ELMOD1: variants seen among roughly 807,000 people sequenced by gnomAD.
ELMOD1 encodes ELMO domain containing 1.
ELMOD1 carries 21 observed loss-of-function variants against 46.7 expected under a neutral mutation model. The observed-to-expected ratio is 0.45, with a 90% CI of 0.32 to 0.65. The LOEUF (loss-of-function observed/expected upper bound fraction) is 0.65. Ranked by LOEUF, ELMOD1 falls within the 30% of genes least tolerant of loss-of-function variation. The pLI is 0.04. For synonymous variants in ELMOD1, 122 were observed against 138.2 expected (o/e 0.88, Z 0.82); for missense variants, 348 against 407.8 (o/e 0.85, Z 1.26).
At chr11:107,654,705 C>A (rs1233874495) in intron 10 of ELMOD1, among the ~76,000 whole-genome samples, 1 of 147,224 alleles carries the variant, frequency 6.8e-6, no homozygotes, top group African/African-American at 2.5e-5. Context: ...GGAGGCGGAG[C>A]TTGCAGTGAG....
In ELMOD1 at chr11:107,665,005, C is replaced by T. The variant is rs533871773; in HGVS notation, c.833-20C>T. The T allele has an allele frequency of 6.3e-7, 1 of 1,592,172 alleles. No homozygotes were observed. The highest frequency in any genetic ancestry group is 1.8e-5 in the Admixed American group (1 of 56,482). ...ATTTTTTTTTCTCCTGCATTCTTATCATTGTATTGTCTCCAACAGGCTATT... is the reference window on the plus strand; with the variant it reads ...ATTTTTTTTTCTCCTGCATTCTTATTATTGTATTGTCTCCAACAGGCTATT... On this transcript the variant is annotated intron_variant, in intron 11 of 11. Transcript: ENST00000265840.
At chr11:107,662,186 C>T (rs981440596) in intron 11 of ELMOD1, among the ~76,000 whole-genome samples, 1 of 152,196 alleles carries the variant, frequency 6.6e-6, no homozygotes, top group Non-Finnish European at 1.5e-5. Context: ...CTCTCTTGCT[C>T]AGGCTGGAGT....
At chr11:107,662,967 G>C (rs1408971938) in intron 11 of ELMOD1, among the ~76,000 whole-genome samples, 2 of 151,508 alleles carry the variant, frequency 1.3e-5, no homozygotes, top group African/African-American at 4.8e-5. Context: ...GGCCTCAAGT[G>C]ATCCTCCTGC....
At chr11:107,609,232 A>G (rs960485271) in intron 1 of ELMOD1, among the ~76,000 whole-genome samples, 4 of 152,228 alleles carry the variant, frequency 2.6e-5, no homozygotes, top group African/African-American at 9.6e-5. Context: ...TTAAGCTAAG[A>G]CTTAACTTTT....
At chr11:107,602,503 T>A (rs955747283) in intron 1 of ELMOD1, among the ~76,000 whole-genome samples, 5 of 152,190 alleles carry the variant, frequency 3.3e-5, no homozygotes, top group Non-Finnish European at 7.3e-5. Context: ...TTTGTTAAAT[T>A]CTTCTGGCAG....
At chr11:107,640,079 C>T (rs943943999) in intron 6 of ELMOD1, among the ~76,000 whole-genome samples, 1 of 152,164 alleles carries the variant, frequency 6.6e-6, no homozygotes, top group Non-Finnish European at 1.5e-5. Flanking sequence ...TCTTGGCTCA[C>T]CACAACCTCC....
chr11:107,591,640 A>G, intron 1 of ELMOD1: 1 of 361,212 alleles, frequency 2.8e-6, no homozygotes, highest in Non-Finnish European at 5.7e-6. Flanking sequence ...TGTCCTCCCA[A>G]TTAACACCCG....
chr11:107,660,599 T>C (rs1866721824), intron 11 of ELMOD1, among the ~76,000 whole-genome samples: 1 of 152,212 alleles, frequency 6.6e-6, no homozygotes, highest in South Asian at 2.1e-4. Flanking sequence ...ATTGCCGTGG[T>C]GAAAAGTCAG....
intron 2 of ELMOD1, among the ~76,000 whole-genome samples, chr11:107,621,655 T>A (rs1865949863): frequency 1.6e-5 from 1 of 62,116 alleles, no homozygotes; most frequent in African/African-American, 3.5e-5. Context: ...CCTCTTTGAC[T>A]TCCAAGCTGT....
At chr11:107,610,367 A>G (rs1865754202) in intron 1 of ELMOD1, among the ~76,000 whole-genome samples, 1 of 152,184 alleles carries the variant, frequency 6.6e-6, no homozygotes, top group African/African-American at 2.4e-5. Flanking sequence ...TGAATTACAC[A>G]AATAAAACGT....
intron 2 of ELMOD1, among the ~76,000 whole-genome samples, chr11:107,626,209 C>G (rs1215592056): frequency 6.6e-6 from 1 of 151,882 alleles, no homozygotes; most frequent in Non-Finnish European, 1.5e-5. Context: ...TTTCCTGATT[C>G]AGCCTAGGAG....
At chr11:107,655,818 C>T in intron 10 of ELMOD1, 115 bp from the exon 11 acceptor site, 2 of 1,124,316 alleles carry the variant, frequency 1.8e-6, no homozygotes, top group Non-Finnish European at 1.2e-6. Context: ...CCTGACATTA[C>T]CATGGCATTT....
chr11:107,592,088 A>G (rs1374423670), intron 1 of ELMOD1: 2 of 403,512 alleles, frequency 5.0e-6, no homozygotes, highest in Non-Finnish European at 1.0e-5. Context: ...TGGTGGGGTG[A>G]GCTGTTGTGG....
chr11:107,603,373 T>C (rs1372057211), intron 1 of ELMOD1, among the ~76,000 whole-genome samples: 4 of 152,024 alleles, frequency 2.6e-5, no homozygotes, highest in Non-Finnish European at 5.9e-5. Flanking sequence ...ACCACATCTC[T>C]ACTAAAAATA....
chr11:107,607,170 G>A (rs1382409610), intron 1 of ELMOD1, among the ~76,000 whole-genome samples: 2 of 152,184 alleles, frequency 1.3e-5, no homozygotes, highest in Non-Finnish European at 2.9e-5. Flanking sequence ...CACTTGATGG[G>A]CTGATTGAGG....
chr11:107,595,436 AT>A (rs1213413241), intron 1 of ELMOD1, among the ~76,000 whole-genome samples: 2 of 152,192 alleles, frequency 1.3e-5, no homozygotes, highest in Non-Finnish European at 2.9e-5. Flanking sequence ...TGATAAAAAA[AT>A]ATGATCAAGA....
intron 7 of ELMOD1, 38 bp downstream of exon 7, chr11:107,647,639 G>A (rs1591132071): frequency 6.3e-7 from 1 of 1,597,412 alleles, no homozygotes; most frequent in Non-Finnish European, 8.5e-7. Context: ...TTCGAGTGAT[G>A]TTTTGGTCTC....
chr11:107,665,073 T>C lies in ELMOD1; in HGVS notation c.881T>C (p.Met294Thr), dbSNP rs1313067129. ...AAGTTTTGGATCGAAGAGGACCCCA[T>C]GGACATAATGGAATTTAATCGTGTG... Reference protein sequence around the residue: ...FHKFWIEEDPMDIMEFNRVRE... With the variant: ...FHKFWIEEDPTDIMEFNRVRE... The change falls in exon 12 of 12, where the codon ATG (methionine) becomes ACG (threonine). Residue 294 changes from methionine (M) to threonine (T), a missense_variant. Met to Thr is a moderately conservative substitution (Grantham distance 81). Transcript: ENST00000265840. The C allele has an allele frequency of 6.2e-7, 1 of 1,613,918 alleles. No individual in the cohort carries two copies. The highest frequency in any genetic ancestry group is 1.1e-5 in the South Asian group (1 of 91,080).
intron 2 of ELMOD1, 135 bp from the exon 3 acceptor site, chr11:107,630,282 A>G: frequency 1.4e-6 from 1 of 710,786 alleles, no homozygotes; most frequent in Non-Finnish European, 2.2e-6. Context: ...GCATGGGACT[A>G]GAAACATATG....
Sources: allele counts gnomAD v4.1 joint callset (sites outside exome capture counted in the v4.1 genomes callset), GRCh38; gene constraint gnomAD v4.1.1; transcripts MANE v1.5; gene names NCBI Gene and HGNC (gene_info 2026-07-23, HGNC 2026-07-21).